Variants in WRAP73 observed in about 807,000 individuals in gnomAD.
WRAP73 encodes WD repeat-containing protein WRAP73.
In WRAP73, 55 loss-of-function variants were observed where a neutral mutation model predicts 59.6. The observed-to-expected ratio is 0.92, with a 90% CI of 0.74 to 1.15. The LOEUF is 1.15. Among genes scored for constraint, WRAP73 ranks in the 50% most tolerant of loss-of-function variants. The pLI, the probability that WRAP73 is intolerant of heterozygous loss-of-function variation, is 0.00. For missense variants in WRAP73, 592 were observed against 608.1 expected, an observed-to-expected ratio of 0.97 and a Z score of 0.28; for synonymous variants, 265 against 258.2, an observed-to-expected ratio of 1.03 and a Z score of -0.25.
At chr1:3,638,456 C>T (rs539029082) in intron 4 of WRAP73, among the ~76,000 whole-genome samples, 16 of 152,362 alleles carry the variant, frequency 1.1e-4, no homozygotes, top group African/African-American at 3.1e-4. Flanking sequence ...CCAGCTCTGC[C>T]GCCAAGGTCA....
chr1:3,646,629 C>A lies in WRAP73; in HGVS notation c.339+37G>T, dbSNP rs1287754322. On this transcript the variant is annotated intron_variant, in intron 3 of 11. Coordinates refer to ENST00000270708, the MANE Select transcript of WRAP73 (RefSeq NM_017818.4). This position sits in a 1 kb window ranked among gnomAD's most constrained non-coding sequence, Gnocchi z 5.1. ...CTGTTTCGAGAGCAGAGGACAGGAT[C>A]ACATGGCCAGTAAGGTGTCTTGGGG... 1.3e-6 allele frequency: 2 copies of A among 1,549,266 alleles called. No individual in the cohort carries two copies. The highest frequency in any genetic ancestry group is 1.8e-5 in the Admixed American group (1 of 54,434).
chr1:3,649,926 C>T lies in WRAP73; in HGVS notation c.69+5G>A. On this transcript the variant is annotated splice_donor_5th_base_variant and intron_variant, in intron 1 of 11. Coordinates refer to ENST00000270708, the MANE Select transcript of WRAP73 (RefSeq NM_017818.4). ...CTGCCCGTGGCCCAGGTCCCCGCCG[C>T]TCACCAGGTACTTGCCGTCCGGGGA... 6.3e-7 allele frequency: 1 copy of T among 1,599,524 alleles called. No individual in the cohort carries two copies.
At position 3,635,268 on chromosome 1, in the gene WRAP73, A is replaced by G. The variant is rs1194923645; in HGVS notation, c.630T>C (p.Asp210=). 1.2e-6 allele frequency: 2 copies of G among 1,613,886 alleles called. No individual in the cohort carries two copies. Among genetic ancestry groups the G allele is most frequent in the African/African-American group, 2.7e-5 (2 of 74,934 alleles). The part of the protein sequence containing the change: ...LEYKILLYSL[D]GRLLSTYSAY... Reference sequence around the variant, plus strand: ...CGCTGTACGTGGACAACAACCGGCCATCCAATGAGTACAGCAGAATCTTGT... The same window carrying G: ...CGCTGTACGTGGACAACAACCGGCCGTCCAATGAGTACAGCAGAATCTTGT... The change falls in exon 7 of 12, where the codon GAT becomes GAC. Residue 210 remains aspartate (D), a synonymous_variant. Transcript: ENST00000270708.
In WRAP73 at chr1:3,631,640, C is replaced by G; in HGVS notation, c.1066G>C (p.Val356Leu). ...ATRNDNIPNAVWVWDIQKLRL... is the reference protein window; with the variant it reads ...ATRNDNIPNALWVWDIQKLRL... ...AGCTTCTGAATGTCCCAGACCCAGA[C>G]GGCATTGGGAATGTTGTCTGAGGAA... The change falls in exon 11 of 12, where the codon GTC (valine) becomes CTC (leucine). Residue 356 changes from valine (V) to leucine (L), a missense_variant. Val to Leu is a conservative substitution (Grantham distance 32, BLOSUM62 1). Transcript: ENST00000270708. 6.3e-7 allele frequency: 1 copy of G among 1,596,732 alleles called. No homozygotes were observed. The highest frequency in any genetic ancestry group is 8.5e-7 in the Non-Finnish European group (1 of 1,176,676).
chr1:3,637,060 C>T lies in WRAP73; in HGVS notation c.451G>A (p.Ala151Thr). The T allele has an allele frequency of 6.2e-7, 1 of 1,613,272 alleles. No homozygotes were observed. The highest frequency in any genetic ancestry group is 8.5e-7 in the Non-Finnish European group (1 of 1,179,928). The change falls in exon 5 of 12, where the codon GCA becomes ACA. Residue 151 changes from alanine (A) to threonine (T), a missense_variant. Ala to Thr is a moderately conservative substitution (Grantham distance 58). Coordinates refer to ENST00000270708, the MANE Select transcript of WRAP73 (RefSeq NM_017818.4). Reference protein sequence around the residue: ...FTRDGRYMALAERRDCKDYVS... With the variant: ...FTRDGRYMALTERRDCKDYVS... ...TAATCTTTGCAGTCGCGCCGTTCTG[C>T]CAGCGCCATGTAGCGGCCGTCCCTG...
At position 3,635,263 on chromosome 1, in the gene WRAP73, C is replaced by A. The variant is rs776582305; in HGVS notation, c.635G>T (p.Arg212Leu). The A allele has an allele frequency of 2.5e-6, 4 of 1,613,974 alleles. No homozygotes were observed. Among genetic ancestry groups the A allele is most frequent in the Non-Finnish European group, 2.5e-6 (3 of 1,180,046 alleles). ...GTAAGCGCTGTACGTGGACAACAAC[C>A]GGCCATCCAATGAGTACAGCAGAAT... ...YKILLYSLDG[R>L]LLSTYSAYEW... The change falls in exon 7 of 12, where the codon CGG becomes CTG. Residue 212 changes from arginine (R) to leucine (L), a missense_variant. Transcript: ENST00000270708.
intron 10 of WRAP73, 85 bp from the exon 11 acceptor site, chr1:3,631,742 C>G: frequency 6.6e-7 from 1 of 1,509,124 alleles, no homozygotes; most frequent in South Asian, 1.3e-5. Flanking sequence ...CTGTTGACAC[C>G]ACAGGAGGGG....
At chr1:3,648,513 T>A (rs1189708761) in intron 1 of WRAP73, among the ~76,000 whole-genome samples, 1 of 152,192 alleles carries the variant, frequency 6.6e-6, no homozygotes, top group Non-Finnish European at 1.5e-5. Context: ...AAAACTGTGA[T>A]CAGTTACAGT....
intron 4 of WRAP73, 78 bp downstream of exon 4, chr1:3,638,672 G>T: frequency 1.3e-6 from 2 of 1,525,366 alleles, no homozygotes; most frequent in Non-Finnish European, 1.8e-6. Context: ...AGCTACTTCT[G>T]CCTCTTTGAA....
At chr1:3,649,808 T>C (rs1644723970) in intron 1 of WRAP73, 123 bp downstream of exon 1, 2 of 1,060,178 alleles carry the variant, frequency 1.9e-6, no homozygotes, top group Non-Finnish European at 2.7e-6. Context: ...CCCGCACCTG[T>C]CCGGGCACCG....
chr1:3,640,749 A>G (rs1211477142), intron 3 of WRAP73, among the ~76,000 whole-genome samples: 2 of 151,618 alleles, frequency 1.3e-5, no homozygotes, highest in Non-Finnish European at 2.9e-5. Flanking sequence ...GGAGCACCCA[A>G]GCATCTCAGC....
intron 10 of WRAP73, 168 bp downstream of exon 10, chr1:3,632,045 G>A: frequency 6.7e-7 from 1 of 1,492,384 alleles, no homozygotes. Context: ...CAGGACAAAG[G>A]CCCAGCGCCT....
Position 3,635,955 on chromosome 1 carries a change from T to C in WRAP73, c.592A>G (p.Thr198Ala). The C allele has an allele frequency of 1.2e-6, 2 of 1,613,846 alleles. No homozygotes were observed. Among genetic ancestry groups the C allele is most frequent in the Non-Finnish European group, 8.5e-7 (1 of 1,179,824 alleles). ...PNGCVLAVWD[T>A]CLEYKILLYS... ...GGTCATCTTCATACCTCCAAGCAGG[T>C]GTCCCACACTGCCAGCACACAGCCG... Residue 198 changes from threonine to alanine, a missense_variant, in exon 6 of 12, where the codon ACC (threonine) becomes GCC (alanine). Coordinates refer to ENST00000270708, the MANE Select transcript of WRAP73 (RefSeq NM_017818.4).
intron 5 of WRAP73, 86 bp from the exon 6 acceptor site, chr1:3,636,116 A>G (rs1251987516): frequency 3.0e-6 from 3 of 988,550 alleles, no homozygotes; most frequent in East Asian, 2.5e-5. Flanking sequence ...TTCTTAACGC[A>G]CTTAATTTCC....
intron 3 of WRAP73, among the ~76,000 whole-genome samples, chr1:3,640,302 G>A (rs72857305): frequency 9.4e-4 from 143 of 152,368 alleles, no homozygotes; most frequent in African/African-American, 3.3e-3. Flanking sequence ...GAGGAAGCGT[G>A]CTACTTCCCA....
chr1:3,633,656 C>T (rs1304720834), intron 8 of WRAP73, 153 bp from the exon 9 acceptor site: 8 of 620,054 alleles, frequency 1.3e-5, no homozygotes, highest in Non-Finnish European at 2.3e-5. Context: ...AGCACGAACC[C>T]CGCAGTCCCG....
rs1406359749 is a variant in WRAP73 at position 3,639,927 on chromosome 1, G to A, written c.340-1105C>T. Among the ~76,000 whole-genome samples, 2 of 152,204 alleles carry A rather than the reference G, an allele frequency of 1.3e-5. No individual in the cohort carries two copies. The highest frequency in any genetic ancestry group is 2.9e-5 in the Non-Finnish European group (2 of 68,022). ...CGTAAGTGGGGCCGCAGCGTGTGGG[G>A]CACAGCATGTCCACAGTGTCACTCC... On this transcript the variant is annotated intron_variant, in intron 3 of 11. Transcript: ENST00000270708. The surrounding 1 kb of genome is among the most constrained non-coding windows in gnomAD (Gnocchi z 4.3).
rs1220265237 is a variant in WRAP73, at chr1:3,635,335, G to A, written c.604-41C>T. 35 of 1,609,746 alleles carry A rather than the reference G, an allele frequency of 2.2e-5. No homozygotes were observed. The East Asian group carries it at 3.3e-4, about 15-fold the overall frequency. On this transcript the variant is annotated intron_variant, in intron 6 of 11. Coordinates refer to ENST00000270708, the MANE Select transcript of WRAP73 (RefSeq NM_017818.4). ...TTCAGTTAATAATGAATACACCCCCGTCGCCAGGAACACACCACAGACGCG... is the reference window on the plus strand; with the variant it reads ...TTCAGTTAATAATGAATACACCCCCATCGCCAGGAACACACCACAGACGCG...
chr1:3,638,355 A>G (rs1644607687), intron 4 of WRAP73, among the ~76,000 whole-genome samples: 1 of 152,020 alleles, frequency 6.6e-6, no homozygotes, highest in African/African-American at 2.4e-5. Context: ...TTTCGCAGAC[A>G]TCATATTTAG....
Sources: allele counts gnomAD v4.1 joint callset (sites outside exome capture counted in the v4.1 genomes callset), GRCh38; gene constraint gnomAD v4.1.1; non-coding constraint Gnocchi (gnomAD v3.1); transcripts MANE v1.5; gene names NCBI Gene and HGNC (gene_info 2026-07-23, HGNC 2026-07-21).